The following IPCEF1 variants were observed in gnomAD, a reference collection of about 807,000 sequenced individuals.
The protein encoded by IPCEF1 is interactor protein for cytohesin exchange factors 1.
IPCEF1 carries 31 observed loss-of-function variants against 50.9 expected under a neutral mutation model. That is an observed-to-expected ratio of 0.61 (90% confidence interval 0.46 to 0.82). The LOEUF (loss-of-function observed/expected upper bound fraction) is 0.82, where lower values mean the gene tolerates loss of function less well. Ranked by LOEUF, IPCEF1 falls within the 40% of genes least tolerant of loss-of-function variation. The pLI is 0.00. For synonymous variants in IPCEF1, 181 were observed against 192.0 expected (o/e 0.94, Z 0.47); for missense variants, 458 against 514.0 (o/e 0.89, Z 1.05).
intron 11 of IPCEF1, among the ~76,000 whole-genome samples, chr6:154,162,365 C>T (rs1799095410): frequency 6.6e-6 from 1 of 152,224 alleles, no homozygotes; most frequent in African/African-American, 2.4e-5. Context: ...GCCCATTCTG[C>T]ATAGATTCAG....
At chr6:154,306,470 C>G (rs1346405647) in intron 1 of IPCEF1, among the ~76,000 whole-genome samples, 1 of 152,214 alleles carries the variant, frequency 6.6e-6, no homozygotes, top group Non-Finnish European at 1.5e-5. Flanking sequence ...CTCCTGCGTT[C>G]AAGGTATCCT....
chr6:154,275,392 A>G (rs1014172297), intron 2 of IPCEF1, among the ~76,000 whole-genome samples: 30 of 152,202 alleles, frequency 2.0e-4, no homozygotes, highest in Non-Finnish European at 5.9e-5. Context: ...TTCCATGAGC[A>G]CAGCTTGGTT....
intron 1 of IPCEF1, among the ~76,000 whole-genome samples, chr6:154,329,701 G>C (rs558560782): frequency 9.6e-4 from 145 of 151,824 alleles, no homozygotes; most frequent in African/African-American, 3.4e-3. Context: ...TCCTAGATTC[G>C]TCATGCAAAA....
chr6:154,216,530 T>C (rs1395884733), intron 7 of IPCEF1, among the ~76,000 whole-genome samples: 1 of 152,168 alleles, frequency 6.6e-6, no homozygotes. Flanking sequence ...TGTATGTGCA[T>C]GAATTGGTAT....
chr6:154,303,092 CTTTTT>C (rs71021038), intron 1 of IPCEF1, among the ~76,000 whole-genome samples: 1 of 121,406 alleles, frequency 8.2e-6, no homozygotes, highest in African/African-American at 3.2e-5. Context: ...TATGATAGCA[CTTTTT>C]TTTTTTTTTT....
chr6:154,281,662 T>C (rs7773125), intron 2 of IPCEF1, among the ~76,000 whole-genome samples: 102,294 of 151,934 alleles, frequency 0.67, 36,151 homozygotes, highest in African/African-American at 0.89. Flanking sequence ...GGGTACGAGA[T>C]CAGCCTGGTC....
intron 1 of IPCEF1, among the ~76,000 whole-genome samples, chr6:154,325,353 A>G (rs1213441201): frequency 1.3e-5 from 2 of 152,226 alleles, no homozygotes; most frequent in East Asian, 3.8e-4. Context: ...AAATATGCAT[A>G]GGACATTTTT....
In IPCEF1 at chr6:154,219,985, A is replaced by AGTGTGTGTGTGT. The variant is rs57450665; in HGVS notation, c.392+1260_392+1271dup. Among the ~76,000 whole-genome samples, 332 of 140,132 alleles carry AGTGTGTGTGTGT rather than the reference A, an allele frequency of 2.4e-3. 1 individual carries two copies. Among genetic ancestry groups the AGTGTGTGTGTGT allele is most frequent in the African/African-American group, 4.1e-3 (154 of 37,990 alleles). The allele number at this position is 140,132 out of a possible 152,430, so 91.9% of individuals were successfully genotyped here. A position where few individuals can be genotyped will look rare whatever the true frequency, so the allele number is the denominator to read the frequency against. On this transcript the variant is annotated intron_variant, in intron 7 of 11. Transcript: ENST00000367220. The stretch of plus-strand genomic sequence containing the variant: ...CAGAGCTGAGCGGATACCTGTAAGG[A>AGTGTGTGTGTGT]GTGTGTGTGTGTGTGTGTGTGTGTG...
intron 10 of IPCEF1, among the ~76,000 whole-genome samples, chr6:154,184,771 A>T (rs1801192591): frequency 6.7e-6 from 1 of 150,310 alleles, no homozygotes; most frequent in Admixed American, 6.6e-5. Flanking sequence ...TTTTCTTGGT[A>T]TCTTTCCAGA....
intron 1 of IPCEF1, among the ~76,000 whole-genome samples, chr6:154,323,578 G>A (rs1045588526): frequency 7.2e-5 from 11 of 151,826 alleles, no homozygotes; most frequent in African/African-American, 2.7e-4. Context: ...TTTGTCTCAG[G>A]GTCTGCTTCT....
intron 3 of IPCEF1, among the ~76,000 whole-genome samples, chr6:154,253,938 A>T (rs986471452): frequency 2.0e-5 from 3 of 152,080 alleles, no homozygotes; most frequent in African/African-American, 7.2e-5. Flanking sequence ...GGTGATGTAT[A>T]TCTTATTTAT....
At chr6:154,298,662 A>G (rs1343666533) in intron 1 of IPCEF1, among the ~76,000 whole-genome samples, 1 of 152,218 alleles carries the variant, frequency 6.6e-6, no homozygotes, top group East Asian at 1.9e-4. Context: ...AGTAACTCTT[A>G]TATAGGTTAC....
intron 1 of IPCEF1, among the ~76,000 whole-genome samples, chr6:154,304,877 G>A (rs1327017946): frequency 6.6e-6 from 1 of 152,210 alleles, no homozygotes; most frequent in Non-Finnish European, 1.5e-5. Flanking sequence ...ACTTTGGGAG[G>A]CCGAGGTGGG....
chr6:154,256,703 AT>A (rs1430372904), intron 3 of IPCEF1, among the ~76,000 whole-genome samples: 1 of 152,160 alleles, frequency 6.6e-6, no homozygotes, highest in Non-Finnish European at 1.5e-5. Flanking sequence ...TTCTACAAAA[AT>A]ATCCTAATTT....
At chr6:154,200,120 C>A in intron 9 of IPCEF1, 80 bp from the exon 10 acceptor site, 2 of 1,285,748 alleles carry the variant, frequency 1.6e-6, no homozygotes, top group South Asian at 1.5e-5. Context: ...TATTTTCAAT[C>A]ACGGTGTCCC....
Position 154,185,757 on chromosome 6 carries a change from T to A in IPCEF1, c.910+13911A>T, listed in dbSNP as rs140982384. ...GGCTACACATAAAATACACTAACAATAGCTGAAACAAAAGCTAAAAAGAAA... is the reference window on the plus strand; with the variant it reads ...GGCTACACATAAAATACACTAACAAAAGCTGAAACAAAAGCTAAAAAGAAA... On this transcript the variant is annotated intron_variant, in intron 10 of 11. Coordinates refer to ENST00000367220, the MANE Select transcript of IPCEF1 (RefSeq NM_001130700.2). 3.1e-3 allele frequency among the ~76,000 whole-genome samples: 477 copies of A among 152,224 alleles called. 1 individual carries two copies. Among genetic ancestry groups the A allele is most frequent in the Middle Eastern group, 0.01 (3 of 294 alleles).
At chr6:154,247,391 A>G (rs1433948377) in intron 4 of IPCEF1, 58 bp downstream of exon 4, 1 of 1,413,548 alleles carries the variant, frequency 7.1e-7, no homozygotes, top group African/African-American at 1.4e-5. Context: ...CACCCCGGAG[A>G]AAAGCCACAC....
Position 154,155,089 on chromosome 6 carries a change from G to C in IPCEF1, c.*4739C>G, listed in dbSNP as rs955685379. On this transcript the variant is annotated 3_prime_UTR_variant, in exon 12 of 12. Transcript: ENST00000367220. Reference sequence around the variant, plus strand: ...TCTATGTGGTTCTGGGGTCATGTGGGAAAGAACTGAGATGTGCTGAAGAGG... The same window carrying C: ...TCTATGTGGTTCTGGGGTCATGTGGCAAAGAACTGAGATGTGCTGAAGAGG... The C allele has an allele frequency of 6.6e-6, 1 of 152,102 alleles. No homozygotes were observed. The highest frequency in any genetic ancestry group is 1.5e-5 in the Non-Finnish European group (1 of 68,028). The allele number at this position is 152,102 out of a possible 1,614,324, so 9.4% of individuals were successfully genotyped here.
intron 10 of IPCEF1, among the ~76,000 whole-genome samples, chr6:154,194,960 G>A (rs1201213211): frequency 6.6e-6 from 1 of 151,996 alleles, no homozygotes; most frequent in Non-Finnish European, 1.5e-5. Flanking sequence ...ATTAAGTGCT[G>A]AGGATACAAA....
Sources: gnomAD v4.1 joint callset for allele counts (sites outside exome capture counted in the v4.1 genomes callset) on GRCh38, gnomAD v4.1.1 for gene constraint, MANE v1.5 for transcripts, NCBI Gene and HGNC (gene_info 2026-07-23, HGNC 2026-07-21) for gene names.